The following OSBP2 variants were observed in gnomAD, a reference collection of about 807,000 sequenced individuals.
The protein encoded by OSBP2 is oxysterol binding protein 2.
Under a neutral mutation model 96.0 loss-of-function variants are expected in OSBP2, and 66 were observed. The ratio of observed to expected loss-of-function variants is 0.69; its 90% CI spans 0.56 to 0.84. The LOEUF (loss-of-function observed/expected upper bound fraction) is 0.84. OSBP2 is among the 40% of genes least tolerant of loss of function. The pLI is 0.00. For missense variants in OSBP2, 1,038 were observed against 1,222.7 expected, an observed-to-expected ratio of 0.85 and a Z score of 2.25; for synonymous variants, 525 against 520.9, an observed-to-expected ratio of 1.01 and a Z score of -0.11.
chr22:30,720,594 G>A (rs939237691), intron 1 of OSBP2, among the ~76,000 whole-genome samples: 46 of 152,340 alleles, frequency 3.0e-4, no homozygotes, highest in African/African-American at 1.1e-3. Context: ...TCTCTGGTCA[G>A]TGTGGGAGGA....
intron 1 of OSBP2, among the ~76,000 whole-genome samples, chr22:30,732,821 G>A (rs752633736): frequency 4.6e-5 from 7 of 152,196 alleles, no homozygotes; most frequent in Non-Finnish European, 8.8e-5. Context: ...AAGCCAGTAG[G>A]CCATTCCATT....
intron 12 of OSBP2, chr22:30,902,573 A>G: frequency 2.2e-6 from 2 of 925,552 alleles, no homozygotes; most frequent in South Asian, 1.3e-5. Flanking sequence ...CAGGCCCCCA[A>G]CTGGGCAGCC....
chr22:30,709,366 C>T (rs2089307738), intron 1 of OSBP2, among the ~76,000 whole-genome samples: 1 of 152,088 alleles, frequency 6.6e-6, no homozygotes, highest in African/African-American at 2.4e-5. Context: ...TTCCTCTCTC[C>T]TCTGTAAGGT....
intron 8 of OSBP2, among the ~76,000 whole-genome samples, chr22:30,891,179 A>C (rs1365532604): frequency 6.6e-6 from 1 of 152,230 alleles, no homozygotes. Flanking sequence ...GGCGAGGGGC[A>C]TGAGAACTCA....
intron 12 of OSBP2, among the ~76,000 whole-genome samples, chr22:30,901,377 G>T (rs2040190480): frequency 6.6e-6 from 1 of 152,004 alleles, no homozygotes; most frequent in Non-Finnish European, 1.5e-5. Context: ...CCCACATAAA[G>T]AACTTCTAAT....
intron 2 of OSBP2, among the ~76,000 whole-genome samples, chr22:30,801,125 A>T (rs531989053): frequency 2.8e-4 from 43 of 152,306 alleles, no homozygotes; most frequent in African/African-American, 1.0e-3. Flanking sequence ...CACTTGGCAA[A>T]CATTGGGTGT....
rs1012275570 is a variant in OSBP2, at chr22:30,890,281, C to T, written c.1624-447C>T. ...AGAGTGACCCTGCCCTATGTGACAC[C>T]GAGATAGGGGCCTTGGGCCTAACCC... On this transcript the variant is annotated intron_variant, in intron 7 of 13. Coordinates refer to ENST00000332585, the MANE Select transcript of OSBP2 (RefSeq NM_030758.4). The surrounding 1 kb of genome is among the most constrained non-coding windows in gnomAD (Gnocchi z 4.4). 5.3e-5 allele frequency among the ~76,000 whole-genome samples: 8 copies of T among 152,088 alleles called. No homozygotes were observed. The highest frequency in any genetic ancestry group is 8.8e-5 in the Non-Finnish European group (6 of 68,008).
intron 2 of OSBP2, among the ~76,000 whole-genome samples, chr22:30,755,558 G>A (rs144959975): frequency 3.9e-5 from 6 of 152,264 alleles, no homozygotes; most frequent in African/African-American, 1.4e-4. Flanking sequence ...TTTTGACTTC[G>A]GGAAGCTTTG....
chr22:30,864,959 G>T (rs2039301339), intron 2 of OSBP2, among the ~76,000 whole-genome samples: 1 of 152,178 alleles, frequency 6.6e-6, no homozygotes, highest in East Asian at 1.9e-4. Flanking sequence ...AGCACCACCG[G>T]GTCACCTTCC....
intron 2 of OSBP2, among the ~76,000 whole-genome samples, chr22:30,829,746 G>T (rs1453921284): frequency 6.6e-6 from 1 of 152,216 alleles, no homozygotes; most frequent in Non-Finnish European, 1.5e-5. Context: ...GTTGTGAATG[G>T]CACTTCCTAG....
chr22:30,705,281 T>TTTGTTG (rs58817033), intron 1 of OSBP2, among the ~76,000 whole-genome samples: 14 of 150,506 alleles, frequency 9.3e-5, no homozygotes, highest in African/African-American at 9.8e-5. Flanking sequence ...CCCCAGTATT[T>TTTGTTG]TTGTTGTTGT....
At chr22:30,791,887 G>A (rs142258612) in intron 2 of OSBP2, among the ~76,000 whole-genome samples, 11 of 152,282 alleles carry the variant, frequency 7.2e-5, no homozygotes, top group African/African-American at 1.9e-4. Flanking sequence ...CCCCACATCA[G>A]TGGGTATACA....
chr22:30,760,488 C>G (rs907058338), intron 2 of OSBP2, among the ~76,000 whole-genome samples: 1 of 152,046 alleles, frequency 6.6e-6, no homozygotes, highest in Non-Finnish European at 1.5e-5. Context: ...AAGATGAGTG[C>G]AAGATAGGTG....
intron 3 of OSBP2, among the ~76,000 whole-genome samples, chr22:30,876,127 C>G (rs1365608988): frequency 2.0e-5 from 3 of 152,212 alleles, no homozygotes; most frequent in Admixed American, 6.5e-5. Context: ...TACAGAGGGC[C>G]GAGGCAGCAG....
At chr22:30,766,725 C>T (rs990015259) in intron 2 of OSBP2, among the ~76,000 whole-genome samples, 12 of 152,088 alleles carry the variant, frequency 7.9e-5, no homozygotes, top group African/African-American at 2.4e-4. Flanking sequence ...CCCTCCATGA[C>T]GCCGGGACAG....
intron 2 of OSBP2, among the ~76,000 whole-genome samples, chr22:30,802,394 C>T (rs1602284270): frequency 1.3e-5 from 2 of 152,362 alleles, no homozygotes; most frequent in East Asian, 3.9e-4. Context: ...GATAGACTCG[C>T]CTGTAACTGG....
At chr22:30,865,495 T>G (rs573908876) in intron 2 of OSBP2, among the ~76,000 whole-genome samples, 36 of 151,796 alleles carry the variant, frequency 2.4e-4, no homozygotes, top group Non-Finnish European at 3.1e-4. Context: ...AGCCAGGTGT[T>G]GTGACGCATG....
chr22:30,869,516 G>T (rs950754911), intron 2 of OSBP2, among the ~76,000 whole-genome samples: 2 of 152,162 alleles, frequency 1.3e-5, no homozygotes, highest in Non-Finnish European at 2.9e-5. Flanking sequence ...TTTGTTTGTT[G>T]TTGTGTTTTG....
chr22:30,845,176 A>G (rs1208908071), intron 2 of OSBP2, among the ~76,000 whole-genome samples: 1 of 152,246 alleles, frequency 6.6e-6, no homozygotes, highest in Non-Finnish European at 1.5e-5. Flanking sequence ...CACACCTGCA[A>G]TCCCAGTACT....
Sources: gnomAD v4.1 joint callset for allele counts (sites outside exome capture counted in the v4.1 genomes callset) on GRCh38, gnomAD v4.1.1 for gene constraint, Gnocchi (gnomAD v3.1) non-coding constraint, MANE v1.5 for transcripts, NCBI Gene and HGNC (gene_info 2026-07-23, HGNC 2026-07-21) for gene names.